The following OPA1 variants were observed in gnomAD, a reference collection of about 807,000 sequenced individuals.
OPA1 encodes dynamin-like GTPase OPA1, mitochondrial.
OPA1 carries 59 observed loss-of-function variants against 152.9 expected under a neutral mutation model. That is an observed-to-expected ratio of 0.39 (90% CI 0.31 to 0.48). OPA1 has a LOEUF of 0.48. Ranked by LOEUF, OPA1 falls within the 20% of genes least tolerant of loss-of-function variation. The pLI, the probability that OPA1 is intolerant of heterozygous loss-of-function variation, is 0.96. For missense variants in OPA1, 1,008 were observed against 1,216.8 expected (o/e 0.83, Z 2.55); for synonymous variants, 400 against 389.9 (o/e 1.03, Z -0.31).
chr3:193,657,906 G>C (rs917369306), intron 23 of OPA1, among the ~76,000 whole-genome samples: 1 of 152,152 alleles, frequency 6.6e-6, no homozygotes, highest in African/African-American at 2.4e-5. Context: ...CGATTTTCTG[G>C]GAAAATGCAG....
At chr3:193,614,553 T>G (rs568505407) in intron 1 of OPA1, among the ~76,000 whole-genome samples, 170 bp from the exon 2 acceptor site, 1 of 152,248 alleles carries the variant, frequency 6.6e-6, no homozygotes, top group Non-Finnish European at 1.5e-5. Context: ...TAGCACATAC[T>G]GTAACCATGT....
intron 25 of OPA1, among the ~76,000 whole-genome samples, chr3:193,660,336 A>T (rs1328481606): frequency 1.3e-5 from 2 of 152,160 alleles, no homozygotes; most frequent in Non-Finnish European, 2.9e-5. Context: ...TAAATGAAAG[A>T]ATCTAAATAG....
chr3:193,622,948 C>T (rs1407814480), intron 6 of OPA1, among the ~76,000 whole-genome samples: 4 of 152,078 alleles, frequency 2.6e-5, no homozygotes, highest in African/African-American at 9.7e-5. Context: ...TATTTGGCAA[C>T]CATTGAGGAG....
rs557433491 is a variant in OPA1 at position 193,667,603 on chromosome 3, G to A, written c.2983+323G>A. The A allele has an allele frequency of 5.1e-4, 175 of 340,512 alleles. 1 individual carries two copies. The highest frequency in any genetic ancestry group is 3.3e-3 in the African/African-American group (151 of 46,154). The allele number at this position is 340,512 out of a possible 1,614,324, so 21.1% of individuals were successfully genotyped here. On this transcript the variant is annotated intron_variant, in intron 29 of 30. Coordinates refer to ENST00000361510, the MANE Select transcript of OPA1 (RefSeq NM_130837.3). Reference sequence around the variant, plus strand: ...GGAGAATGGTGTGAACCCGGGAGGCGGAGCTTGCGGTGAGCCAAGATCCTG... The same window carrying A: ...GGAGAATGGTGTGAACCCGGGAGGCAGAGCTTGCGGTGAGCCAAGATCCTG...
Position 193,626,115 on chromosome 3 carries a change from C to G in OPA1, c.702C>G (p.Leu234=), listed in dbSNP as rs757970782. 1.7e-5 allele frequency: 27 copies of G among 1,614,028 alleles called. No homozygotes were observed. Among genetic ancestry groups the G allele is most frequent in the Non-Finnish European group, 2.1e-5 (25 of 1,179,946 alleles). Residue 234 remains leucine (L), a synonymous_variant, in exon 7 of 31, where the codon CTC becomes CTG. Coordinates refer to ENST00000361510, the MANE Select transcript of OPA1 (RefSeq NM_130837.3). ...AGGGTCTGCTTGGTGAGCTCATTCT[C>G]TTACAACAACAAATTCAAGAGCATG... ...FRKGLLGELI[L]LQQQIQEHEE...
chr3:193,626,149 G>T lies in OPA1; in HGVS notation c.736G>T (p.Ala246Ser), dbSNP rs1644025287. 6.2e-7 allele frequency: 1 copy of T among 1,614,012 alleles called. No homozygotes were observed. Among genetic ancestry groups the T allele is most frequent in the African/African-American group, 1.3e-5 (1 of 74,900 alleles). Residue 246 changes from alanine to serine, a missense_variant, in exon 7 of 31, where the codon GCG (alanine) becomes TCG (serine). Transcript: ENST00000361510. ...QQQIQEHEEEARRAAGQYSTS... is the reference protein window; with the variant it reads ...QQQIQEHEEESRRAAGQYSTS... ...ACAAATTCAAGAGCATGAAGAGGAA[G>T]CGCGCAGAGCCGCTGGCCAATATAG...
chr3:193,672,715 G>A (rs958884523), intron 29 of OPA1, among the ~76,000 whole-genome samples: 8 of 151,992 alleles, frequency 5.3e-5, no homozygotes, highest in Admixed American at 2.0e-4. Context: ...CTAAAAATGC[G>A]AAAATTAGCT....
At chr3:193,690,317 AC>A (rs1199857378) in intron 29 of OPA1, among the ~76,000 whole-genome samples, 2 of 26,396 alleles carry the variant, frequency 7.6e-5, no homozygotes, top group African/African-American at 3.0e-4. Context: ...CCCCCACCCC[AC>A]CCCACACACA....
chr3:193,647,321 G>A, intron 19 of OPA1, 141 bp downstream of exon 19: 3 of 665,944 alleles, frequency 4.5e-6, no homozygotes, highest in Non-Finnish European at 8.1e-6. Flanking sequence ...CTGGAAAATA[G>A]AAGAATACAA....
chr3:193,654,731 A>G (rs1002752998), intron 21 of OPA1, 131 bp from the exon 22 acceptor site: 3 of 896,946 alleles, frequency 3.3e-6, no homozygotes, highest in Non-Finnish European at 1.7e-6. Flanking sequence ...TTACAGGTAT[A>G]TACACATGTG....
chr3:193,596,340 T>TTTCCTTTCCTTTCCTTTC (rs1204679679), intron 1 of OPA1, among the ~76,000 whole-genome samples: 147 of 79,286 alleles, frequency 1.9e-3, no homozygotes, highest in Middle Eastern at 6.4e-3. Context: ...CCTTTCCTTT[T>TTTCCTTTCCTTTCCTTTC]CTTTTCTTTT....
At chr3:193,632,595 A>G (rs368947847) in intron 8 of OPA1, among the ~76,000 whole-genome samples, 11 of 152,100 alleles carry the variant, frequency 7.2e-5, no homozygotes, top group South Asian at 4.1e-4. Context: ...TCAGCTGGGC[A>G]TGGTGGGTCA....
chr3:193,643,337 C>G, intron 13 of OPA1, 36 bp from the exon 14 acceptor site: 5 of 1,525,982 alleles, frequency 3.3e-6, no homozygotes, highest in Non-Finnish European at 4.5e-6. Flanking sequence ...TCCCCCCAAA[C>G]TTTAGCATTG....
chr3:193,675,568 A>G (rs1718827821), intron 29 of OPA1, among the ~76,000 whole-genome samples: 1 of 151,798 alleles, frequency 6.6e-6, no homozygotes, highest in African/African-American at 2.4e-5. Context: ...CATCACTTCA[A>G]CCTAACCCAG....
rs1006371374 is a variant in OPA1 at position 193,670,114 on chromosome 3, A to G, written c.2983+2834A>G. On this transcript the variant is annotated intron_variant, in intron 29 of 30. Transcript: ENST00000361510. Reference sequence around the variant, plus strand: ...TTTATCTTTGGTCTGACACTTGGGAATAGGGTCATGGATACTTCAGCCAGA... The same window carrying G: ...TTTATCTTTGGTCTGACACTTGGGAGTAGGGTCATGGATACTTCAGCCAGA... 1.9e-4 allele frequency among the ~76,000 whole-genome samples: 29 copies of G among 152,284 alleles called. No individual in the cohort carries two copies. In the South Asian group the frequency reaches 4.1e-3, roughly 22 times the overall value.
intron 9 of OPA1, among the ~76,000 whole-genome samples, chr3:193,635,749 T>C (rs1732835193): frequency 6.6e-6 from 1 of 152,202 alleles, no homozygotes; most frequent in African/African-American, 2.4e-5. Flanking sequence ...TTTTAAGAGT[T>C]ATTTCGTGTG....
intron 8 of OPA1, among the ~76,000 whole-genome samples, chr3:193,632,335 G>T (rs1431212245): frequency 1.3e-5 from 2 of 152,244 alleles, no homozygotes; most frequent in African/African-American, 2.4e-5. Context: ...CAAAAAATTA[G>T]CTGGGCGTGG....
intron 21 of OPA1, among the ~76,000 whole-genome samples, chr3:193,652,706 G>A (rs1441014094): frequency 2.6e-5 from 4 of 152,080 alleles, no homozygotes; most frequent in African/African-American, 9.7e-5. Context: ...AAAATGGTTT[G>A]TCATGGAACC....
chr3:193,640,769 G>A (rs963668325), intron 11 of OPA1, among the ~76,000 whole-genome samples: 2 of 152,112 alleles, frequency 1.3e-5, no homozygotes, highest in Admixed American at 6.5e-5. Flanking sequence ...AGCTGGTGGG[G>A]GGTAGGTGTA....
Sources: gnomAD v4.1 joint callset for allele counts (sites outside exome capture counted in the v4.1 genomes callset) on GRCh38, gnomAD v4.1.1 for gene constraint, MANE v1.5 for transcripts, NCBI Gene and HGNC (gene_info 2026-07-23, HGNC 2026-07-21) for gene names.